Variants in UCKL1 observed in about 807,000 individuals in gnomAD.
UCKL1 encodes the protein uridine-cytidine kinase-like 1.
In UCKL1, 65 loss-of-function variants were observed where a neutral mutation model predicts 59.2. The ratio of observed to expected loss-of-function variants is 1.10; its 90% CI spans 0.90 to 1.35. UCKL1 has a LOEUF of 1.35. Among genes scored for constraint, UCKL1 ranks in the 40% most tolerant of loss-of-function variants. UCKL1 has a pLI of 0.00. For missense variants in UCKL1, 703 were observed against 784.3 expected (o/e 0.90, Z 1.24); for synonymous variants, 410 against 323.1 (o/e 1.27, Z -2.88).
chr20:63,950,872 G>A (rs776584144), intron 1 of UCKL1: 17 of 1,458,484 alleles, frequency 1.2e-5, no homozygotes, highest in Non-Finnish European at 1.5e-5. Flanking sequence ...AGTGGCCCCA[G>A]GGGTGGATGC....
Position 63,941,176 on chromosome 20 carries a change from G to A in UCKL1, c.956C>T (p.Pro319Leu). The A allele has an allele frequency of 1.9e-6, 3 of 1,568,206 alleles. No individual in the cohort carries two copies. The highest frequency in any genetic ancestry group is 2.3e-5 in the East Asian group (1 of 43,770). The change falls in exon 9 of 15, where the codon CCG becomes CTG. Residue 319 changes from proline to leucine, a missense_variant. This residue lies in a region of UCKL1 where 156 missense variants were observed against 185.6 expected (regional missense o/e 0.84). Transcript: ENST00000354216. Reference sequence around the variant, plus strand: ...CAGGACGCTCAGCGTCCGGGGCAGCGGGTGGCACTGGTGTGCCGAGGCCAG... The same window carrying A: ...CAGGACGCTCAGCGTCCGGGGCAGCAGGTGGCACTGGTGTGCCGAGGCCAG... ...AALASAHQCH[P>L]LPRTLSVLKS...
chr20:63,956,262 G>C lies in UCKL1; in HGVS notation c.111C>G (p.Asp37Glu). ...QAEKSETACE[D>E]RSNAESLDRL... ...GTGGAGGCGAGGCCCACGCCTACCG[G>C]TCCTCGCACGCGGTCTCGCTTTTCT... Residue 37 changes from aspartate to glutamate, a missense_variant and splice_region_variant, in exon 1 of 15, where the codon GAC becomes GAG. Asp to Glu is a conservative substitution (Grantham distance 45). Around this residue, in one of 4 missense-constraint regions of UCKL1, gnomAD observed 398 missense variants for 373.0 expected, o/e 1.07. Transcript: ENST00000354216. 1 of 1,539,906 alleles carries C rather than the reference G, an allele frequency of 6.5e-7. No homozygotes were observed. The highest frequency in any genetic ancestry group is 8.7e-7 in the Non-Finnish European group (1 of 1,147,272).
chr20:63,947,440 T>C (rs1041899848), intron 1 of UCKL1, among the ~76,000 whole-genome samples: 4 of 151,930 alleles, frequency 2.6e-5, no homozygotes, highest in African/African-American at 9.7e-5. Context: ...GGCGTGTGGG[T>C]GGAGGCGAGA....
At chr20:63,942,509 C>A in intron 8 of UCKL1, 4 of 1,173,384 alleles carry the variant, frequency 3.4e-6, no homozygotes, top group Middle Eastern at 3.9e-4. Flanking sequence ...AGGTGAAGAG[C>A]ATGTTCAGGG....
rs1218006557 is a variant in UCKL1 at position 63,940,655 on chromosome 20, C to T, written c.1241G>A (p.Cys414Tyr). Residue 414 changes from cysteine to tyrosine, a missense_variant, in exon 12 of 15, where the codon TGC becomes TAC. Around this residue, in one of 4 missense-constraint regions of UCKL1, gnomAD observed 25 missense variants for 64.5 expected, o/e 0.39. Transcript: ENST00000354216. ...ETMEPALRAV[C>Y]KDVRIGTILI... Reference sequence around the variant, plus strand: ...GATGGTGCCGATGCGCACGTCTTTGCACACAGCGCGCAGCGCGGGCTCCAT... The same window carrying T: ...GATGGTGCCGATGCGCACGTCTTTGTACACAGCGCGCAGCGCGGGCTCCAT... 2 of 1,609,858 alleles carry T rather than the reference C, an allele frequency of 1.2e-6. No homozygotes were observed. Among genetic ancestry groups the T allele is most frequent in the Non-Finnish European group, 1.7e-6 (2 of 1,179,192 alleles).
At position 63,945,882 on chromosome 20, in the gene UCKL1, G is replaced by T. The variant is rs771209770; in HGVS notation, c.505C>A (p.Leu169Ile). 1 of 1,613,888 alleles carries T rather than the reference G, an allele frequency of 6.2e-7. No homozygotes were observed. The highest frequency in any genetic ancestry group is 1.1e-5 in the South Asian group (1 of 91,074). Residue 169 changes from leucine to isoleucine, a missense_variant, in exon 4 of 15, where the codon CTC (leucine) becomes ATC (isoleucine). Leu to Ile is a conservative substitution (Grantham distance 5, BLOSUM62 2). Around this residue, in one of 4 missense-constraint regions of UCKL1, gnomAD observed 398 missense variants for 373.0 expected, o/e 1.07. Transcript: ENST00000354216. ...CTCTTCCCCTGCTTCAGCTTCTTGAGGGTGGAAATGATGAGGTCGAAGTCA... is the reference window on the plus strand; with the variant it reads ...CTCTTCCCCTGCTTCAGCTTCTTGATGGTGGAAATGATGAGGTCGAAGTCA... Reference protein sequence around the residue: ...AFDFDLIISTLKKLKQGKSVK... With the variant: ...AFDFDLIISTIKKLKQGKSVK...
chr20:63,943,518 C>A, intron 8 of UCKL1, 135 bp downstream of exon 8: 1 of 1,312,434 alleles, frequency 7.6e-7, no homozygotes, highest in Non-Finnish European at 1.1e-6. Context: ...AGAAGCAGGG[C>A]TGGGACCACT....
In UCKL1 at chr20:63,946,285, G is replaced by C. The variant is rs751701791; in HGVS notation, c.305-18C>G. 25 of 1,569,760 alleles carry C rather than the reference G, an allele frequency of 1.6e-5. No individual in the cohort carries two copies. The highest frequency in any genetic ancestry group is 2.1e-5 in the Non-Finnish European group (24 of 1,158,230). Reference sequence around the variant, plus strand: ...TCCCAAGCCTGCCGGCGGGAGTGGAGACCCTCTGTGAGGAACAGGCAGGCT... The same window carrying C: ...TCCCAAGCCTGCCGGCGGGAGTGGACACCCTCTGTGAGGAACAGGCAGGCT... On this transcript the variant is annotated intron_variant, in intron 2 of 14. Coordinates refer to ENST00000354216, the MANE Select transcript of UCKL1 (RefSeq NM_017859.4).
intron 8 of UCKL1, chr20:63,942,583 A>C (rs771710058): frequency 3.6e-5 from 31 of 860,054 alleles, no homozygotes; most frequent in Non-Finnish European, 4.7e-5. Flanking sequence ...AAGGCTGCTT[A>C]GTTGGGGAGC....
intron 1 of UCKL1, chr20:63,948,489 T>C (rs192540374): frequency 1.4e-5 from 2 of 146,636 alleles, no homozygotes; most frequent in East Asian, 4.1e-4. Flanking sequence ...GAAGGAGAGA[T>C]GATTCCATCT....
intron 1 of UCKL1, chr20:63,951,292 G>T: frequency 1.3e-6 from 1 of 791,618 alleles, no homozygotes; most frequent in Non-Finnish European, 1.5e-6. Context: ...CCTCCTGTGT[G>T]TGGGCTGGCA....
chr20:63,950,979 G>T, intron 1 of UCKL1: 1 of 1,308,174 alleles, frequency 7.6e-7, no homozygotes, highest in Non-Finnish European at 9.7e-7. Context: ...ACCTGAACTG[G>T]CCCTTCCATG....
In UCKL1 at chr20:63,946,467, T is replaced by TCG. The variant is rs768414896; in HGVS notation, c.289_290insCG (p.Glu97AlafsTer22). 4.5e-6 allele frequency: 7 copies of TCG among 1,566,626 alleles called. No individual in the cohort carries two copies. Among genetic ancestry groups the TCG allele is most frequent in the Non-Finnish European group, 6.1e-6 (7 of 1,155,586 alleles). ...GCTGCTCTCACCGATGGCGAAGGCC[T>TCG]CTTTGGATTGCGTGCCGTGTTCATT... On this transcript the variant is annotated frameshift_variant, in exon 2 of 15. Coordinates refer to ENST00000354216, the MANE Select transcript of UCKL1 (RefSeq NM_017859.4). LOFTEE classifies it high-confidence loss of function.
rs2054279311 is a variant in UCKL1, at chr20:63,941,131, C to T, written c.1001G>A (p.Arg334Gln). ...TCACCTGATGATGGTGTGCATGCCC[C>T]GTACCTGCGGCGTGCTCTTCAGGAC... ...LSVLKSTPQV[R>Q]GMHTIIRDKE... Residue 334 changes from arginine (R) to glutamine (Q), a missense_variant, in exon 9 of 15, where the codon CGG becomes CAG. By Grantham distance (43) the Arg-to-Gln change is conservative. Coordinates refer to ENST00000354216, the MANE Select transcript of UCKL1 (RefSeq NM_017859.4). 1 of 1,596,408 alleles carries T rather than the reference C, an allele frequency of 6.3e-7. No homozygotes were observed. Among genetic ancestry groups the T allele is most frequent in the African/African-American group, 1.3e-5 (1 of 74,846 alleles).
intron 1 of UCKL1, among the ~76,000 whole-genome samples, chr20:63,952,642 G>A (rs955651371): frequency 3.3e-5 from 5 of 152,362 alleles, no homozygotes; most frequent in African/African-American, 4.8e-5. Context: ...CTGATGCCGC[G>A]CTGGGGTAAG....
chr20:63,951,314 C>A (rs1452331920), intron 1 of UCKL1: 1 of 581,412 alleles, frequency 1.7e-6, no homozygotes, highest in Non-Finnish European at 2.2e-6. Flanking sequence ...ATTCGGCCAG[C>A]CTAGGACCGC....
intron 5 of UCKL1, 35 bp from the exon 6 acceptor site, chr20:63,944,769 G>T: frequency 6.2e-7 from 1 of 1,607,146 alleles, no homozygotes. Flanking sequence ...GTGGCCAGAT[G>T]CCAGCAGTGG....
intron 1 of UCKL1, chr20:63,956,054 G>GCCTGCCGGCTTGGGCCAGGTCCGT: frequency 2.2e-6 from 1 of 453,942 alleles, no homozygotes. Flanking sequence ...GCCCCGAGGA[G>GCCTGCCGGCTTGGGCCAGGTCCGT]CCTGCCGGCT....
At position 63,941,218 on chromosome 20, in the gene UCKL1, A is replaced by G; in HGVS notation, c.924-10T>C. ...CGAGGCCAGCGCAGCCCTGGGGACA[A>G]ACCGATGGGGAACACTCAAGAAGGG... On this transcript the variant is annotated splice_polypyrimidine_tract_variant and intron_variant, in intron 8 of 14. Coordinates refer to ENST00000354216, the MANE Select transcript of UCKL1 (RefSeq NM_017859.4). The G allele has an allele frequency of 6.6e-7, 1 of 1,505,740 alleles. No homozygotes were observed. The highest frequency in any genetic ancestry group is 8.8e-7 in the Non-Finnish European group (1 of 1,130,546). The allele number at this position is 1,505,740 out of a possible 1,614,324, so 93.3% of individuals were successfully genotyped here.
Sources: gnomAD v4.1 joint callset for allele counts (sites outside exome capture counted in the v4.1 genomes callset) on GRCh38, gnomAD v4.1.1 for gene constraint, gnomAD v4.1.1 regional missense constraint, MANE v1.5 for transcripts, NCBI Gene and HGNC (gene_info 2026-07-23, HGNC 2026-07-21) for gene names.